ZNF280D: variants seen among roughly 807,000 people sequenced by gnomAD.
ZNF280D encodes suppressor of hairy wing homolog 4.
In ZNF280D, 39 loss-of-function variants were observed where a neutral mutation model predicts 94.7. That is an observed-to-expected ratio of 0.41 (90% CI 0.32 to 0.54). The LOEUF is 0.54. Among genes scored for constraint, ZNF280D ranks in the 20% least tolerant of loss-of-function variants. ZNF280D has a pLI of 0.22. For missense variants in ZNF280D, 1,090 were observed against 1,149.3 expected (o/e 0.95, Z 0.75); for synonymous variants, 398 against 377.6 (o/e 1.05, Z -0.63).
chr15:56,696,382 A>G (rs2056749229), intron 6 of ZNF280D, among the ~76,000 whole-genome samples: 1 of 152,216 alleles, frequency 6.6e-6, no homozygotes, highest in East Asian at 1.9e-4. Flanking sequence ...CAATACTAAT[A>G]AGGACCTAAT....
chr15:56,705,441 A>G (rs2057347540), intron 3 of ZNF280D, among the ~76,000 whole-genome samples: 1 of 152,234 alleles, frequency 6.6e-6, no homozygotes. Flanking sequence ...GAGAGCTGAC[A>G]TCAAGTTGAA....
At chr15:56,722,778 C>T (rs554641094) in intron 1 of ZNF280D, among the ~76,000 whole-genome samples, 20 of 152,146 alleles carry the variant, frequency 1.3e-4, no homozygotes, top group South Asian at 1.0e-3. Context: ...CACATGCACA[C>T]GTCTGTTTAT....
chr15:56,644,378 A>C (rs556728533), intron 19 of ZNF280D, among the ~76,000 whole-genome samples: 1 of 152,228 alleles, frequency 6.6e-6, no homozygotes, highest in Admixed American at 6.5e-5. Flanking sequence ...AATAAGTTTT[A>C]AGAATAAAAT....
chr15:56,705,417 G>C (rs1407091912), intron 3 of ZNF280D, among the ~76,000 whole-genome samples: 1 of 152,090 alleles, frequency 6.6e-6, no homozygotes, highest in African/African-American at 2.4e-5. Flanking sequence ...CTCCAGTCTG[G>C]AGCAAAGAGA....
chr15:56,644,812 C>A (rs1373586465), intron 19 of ZNF280D, among the ~76,000 whole-genome samples: 1 of 152,088 alleles, frequency 6.6e-6, no homozygotes, highest in Non-Finnish European at 1.5e-5. Flanking sequence ...AGGTTTTTAT[C>A]ACTCTTTATT....
chr15:56,715,792 A>C (rs1157589567), intron 1 of ZNF280D, among the ~76,000 whole-genome samples: 2 of 152,184 alleles, frequency 1.3e-5, no homozygotes, highest in Non-Finnish European at 2.9e-5. Flanking sequence ...ACATGACAGA[A>C]GGTCATTTAT....
In ZNF280D at chr15:56,630,269, A is replaced by C. The variant is rs561665579; in HGVS notation, c.*1229T>G. The C allele has an allele frequency of 6.6e-6, 1 of 152,302 alleles. No homozygotes were observed. The highest frequency in any genetic ancestry group is 1.9e-4 in the East Asian group (1 of 5,194). The allele number at this position is 152,302 out of a possible 1,614,324, so 9.4% of individuals were successfully genotyped here. A position where few individuals can be genotyped will look rare whatever the true frequency, so the allele number is the denominator to read the frequency against. On this transcript the variant is annotated 3_prime_UTR_variant, in exon 22 of 22. Transcript: ENST00000267807. ...TCGCCATTTAAAACATTGAACATTC[A>C]GTGAAACAAAATTTAAGAATCCAAA...
chr15:56,708,468 C>A (rs541919092), intron 1 of ZNF280D, among the ~76,000 whole-genome samples: 3 of 152,186 alleles, frequency 2.0e-5, no homozygotes, highest in Non-Finnish European at 4.4e-5. Flanking sequence ...ACCAGGAACA[C>A]GGAATATTTT....
chr15:56,694,472 A>G (rs1197415972), intron 6 of ZNF280D, among the ~76,000 whole-genome samples: 5 of 152,168 alleles, frequency 3.3e-5, no homozygotes, highest in African/African-American at 9.7e-5. Context: ...AATTAAAGGA[A>G]AAAAGGCTAT....
At chr15:56,664,316 A>C (rs1210269160) in intron 16 of ZNF280D, among the ~76,000 whole-genome samples, 1 of 152,196 alleles carries the variant, frequency 6.6e-6, no homozygotes, top group African/African-American at 2.4e-5. Flanking sequence ...GACAAGAAAT[A>C]AGGAAAACAG....
At chr15:56,718,611 T>G (rs2058173042) in intron 1 of ZNF280D, among the ~76,000 whole-genome samples, 2 of 152,016 alleles carry the variant, frequency 1.3e-5, no homozygotes, top group Non-Finnish European at 2.9e-5. Flanking sequence ...GAAAGAAAAA[T>G]TTTCACACAG....
At chr15:56,682,143 A>G (rs2055661591) in intron 10 of ZNF280D, 111 bp downstream of exon 10, 1 of 722,822 alleles carries the variant, frequency 1.4e-6, no homozygotes, top group Non-Finnish European at 2.2e-6. Context: ...CTCAGTAGAA[A>G]GTGTTAAAAT....
rs1273219633 is a variant in ZNF280D, at chr15:56,631,792, C to G, written c.2646G>C (p.Lys882Asn). The change falls in exon 22 of 22, where the codon AAG becomes AAC. Residue 882 changes from lysine to asparagine, a missense_variant. Lys to Asn is a moderately conservative substitution (Grantham distance 94). Coordinates refer to ENST00000267807, the MANE Select transcript of ZNF280D (RefSeq NM_017661.4). ...CATTATCTGATGCTAATCGCAAATCCTTAATATTCTTTGAAGAAAATCTGG... is the reference window on the plus strand; with the variant it reads ...CATTATCTGATGCTAATCGCAAATCGTTAATATTCTTTGAAGAAAATCTGG... ...SEARFSSKNI[K>N]DLRLASDNVS... The G allele has an allele frequency of 6.2e-7, 1 of 1,614,086 alleles. No individual in the cohort carries two copies. Among genetic ancestry groups the G allele is most frequent in the Non-Finnish European group, 8.5e-7 (1 of 1,180,012 alleles).
At position 56,633,986 on chromosome 15, in the gene ZNF280D, T is replaced by C. The variant is rs575853919; in HGVS notation, c.2315+1209A>G. On this transcript the variant is annotated intron_variant, in intron 21 of 21. Coordinates refer to ENST00000267807, the MANE Select transcript of ZNF280D (RefSeq NM_017661.4). ...TTTTTATCATGGAAAATTTTGCTTT[T>C]CTTCATCTGGATCCTGGCCATTTCT... 3.9e-5 allele frequency: 6 copies of C among 152,302 alleles called. No homozygotes were observed. In the East Asian group the frequency reaches 1.2e-3, roughly 29 times the overall value. 9.4% of individuals were successfully genotyped at this position (152,302 alleles called of 1,614,324 possible).
chr15:56,677,561 A>C lies in ZNF280D; in HGVS notation c.1263+13T>G. On this transcript the variant is annotated intron_variant, in intron 12 of 21. Transcript: ENST00000267807. ...AACCAAACACTTAAAAAAACAATAA[A>C]ATGTATGTGTACCTGGCAGACATAT... 6.4e-7 allele frequency: 1 copy of C among 1,568,536 alleles called. No homozygotes were observed. The highest frequency in any genetic ancestry group is 8.8e-7 in the Non-Finnish European group (1 of 1,140,970).
intron 1 of ZNF280D, chr15:56,724,967 G>C: frequency 2.4e-6 from 1 of 414,154 alleles, no homozygotes; most frequent in Non-Finnish European, 4.8e-6. Flanking sequence ...ATCCTGTATA[G>C]CTGAGAGTCA....
chr15:56,690,851 A>G (rs983494767), intron 7 of ZNF280D, among the ~76,000 whole-genome samples: 2 of 152,304 alleles, frequency 1.3e-5, no homozygotes, highest in African/African-American at 2.4e-5. Context: ...TTAAAGTCAG[A>G]TAAGTTCAAA....
At chr15:56,691,827 G>GC (rs1319548505) in intron 7 of ZNF280D, among the ~76,000 whole-genome samples, 1 of 152,106 alleles carries the variant, frequency 6.6e-6, no homozygotes, top group Non-Finnish European at 1.5e-5. Context: ...CCTAAGTAGA[G>GC]CAAGAATTAA....
chr15:56,712,740 C>CT (rs370458226), intron 1 of ZNF280D, among the ~76,000 whole-genome samples: 90,353 of 133,454 alleles, frequency 0.68, 31,787 homozygotes, highest in East Asian at 0.8. Context: ...TGGTGAATGG[C>CT]TTTTTTTTTT....
Sources: gnomAD v4.1 joint callset for allele counts (sites outside exome capture counted in the v4.1 genomes callset) on GRCh38, gnomAD v4.1.1 for gene constraint, MANE v1.5 for transcripts, NCBI Gene and HGNC (gene_info 2026-07-23, HGNC 2026-07-21) for gene names.